The following DKK3 variants were observed in gnomAD, a reference collection of about 807,000 sequenced individuals.
DKK3 encodes the protein dickkopf Wnt signaling pathway inhibitor 3, also known as dickkopf-related protein 3.
DKK3 carries 22 observed loss-of-function variants against 33.2 expected under a neutral mutation model. That is an observed-to-expected ratio of 0.66 (90% CI 0.47 to 0.95). DKK3 has a LOEUF of 0.95. DKK3 is among the 40% of genes least tolerant of loss of function. The probability of loss-of-function intolerance (pLI) is 0.00; values close to 1 mark genes in which losing one functional copy is unlikely to be tolerated. For missense variants in DKK3, 398 were observed against 458.4 expected, an observed-to-expected ratio of 0.87 and a Z score of 1.20; for synonymous variants, 194 against 188.8, an observed-to-expected ratio of 1.03 and a Z score of -0.23.
At chr11:11,989,595 G>T (rs976869044) in intron 3 of DKK3, among the ~76,000 whole-genome samples, 12 of 152,138 alleles carry the variant, frequency 7.9e-5, no homozygotes, top group Non-Finnish European at 1.5e-4. Context: ...CAGGAGGGGG[G>T]CATTGTTTAA....
rs769447653 is a variant in DKK3 at position 12,008,420 on chromosome 11, C to T, written c.163G>A (p.Glu55Lys). Residue 55 changes from glutamate to lysine, a missense_variant, in exon 1 of 7, where the codon GAG (glutamate) becomes AAG (lysine). Coordinates refer to ENST00000683431, the MANE Select transcript of DKK3 (RefSeq NM_001018057.2). This position sits in a 1 kb window ranked among gnomAD's most constrained non-coding sequence, Gnocchi z 4.6. ...ATLNEMFREV[E>K]ELMEDTQHKL... ...TGCTGCGTGTCCTCCATCAGTTCCTCAACCTCGCGGAACATCTCATTGAGG... is the reference window on the plus strand; with the variant it reads ...TGCTGCGTGTCCTCCATCAGTTCCTTAACCTCGCGGAACATCTCATTGAGG... The T allele has an allele frequency of 2.5e-6, 4 of 1,611,084 alleles. No homozygotes were observed. The highest frequency in any genetic ancestry group is 1.3e-5 in the African/African-American group (1 of 74,904).
chr11:11,964,241 C>T lies in DKK3; in HGVS notation c.*223G>A. The T allele has an allele frequency of 1.7e-6, 1 of 597,614 alleles. No homozygotes were observed. The allele number at this position is 597,614 out of a possible 1,614,324, so 37.0% of individuals were successfully genotyped here. On this transcript the variant is annotated 3_prime_UTR_variant, in exon 7 of 7. Transcript: ENST00000683431. ...GGACAGGGGTGGCAAACTGCTCCTG[C>T]AGTTTAACCCTGCCTGACTCTCCCA...
chr11:11,968,349 G>A, intron 4 of DKK3, 46 bp downstream of exon 4: 1 of 1,558,868 alleles, frequency 6.4e-7, no homozygotes, highest in Non-Finnish European at 8.7e-7. Context: ...TCCCCCAGGT[G>A]CCTGAGACCC....
chr11:11,969,833 A>G (rs529798197), intron 3 of DKK3, among the ~76,000 whole-genome samples: 1 of 152,324 alleles, frequency 6.6e-6, no homozygotes, highest in South Asian at 2.1e-4. Flanking sequence ...TCCCTTGCCA[A>G]GCATTGATGC....
At position 12,008,440 on chromosome 11, in the gene DKK3, T is replaced by C. The variant is rs753389040; in HGVS notation, c.143A>G (p.Asn48Ser). 99 of 1,611,180 alleles carry C rather than the reference T, an allele frequency of 6.1e-5. No homozygotes were observed. The highest frequency in any genetic ancestry group is 1.1e-5 in the Non-Finnish European group (13 of 1,179,602). The change falls in exon 1 of 7, where the codon AAT becomes AGT. Residue 48 changes from asparagine to serine, a missense_variant. Coordinates refer to ENST00000683431, the MANE Select transcript of DKK3 (RefSeq NM_001018057.2). The surrounding 1 kb of genome is among the most constrained non-coding windows in gnomAD (Gnocchi z 4.6). ...LSYPQEEATL[N>S]EMFREVEELM... ...TTCCTCAACCTCGCGGAACATCTCATTGAGGGTGGCCTCCTCCTGCGGGTA... is the reference window on the plus strand; with the variant it reads ...TTCCTCAACCTCGCGGAACATCTCACTGAGGGTGGCCTCCTCCTGCGGGTA...
chr11:12,006,302 T>C (rs1281119626), intron 1 of DKK3, among the ~76,000 whole-genome samples: 1 of 152,146 alleles, frequency 6.6e-6, no homozygotes, highest in South Asian at 2.1e-4. Context: ...ACCTGACCAG[T>C]GGATATTCAG....
At position 12,008,284 on chromosome 11, in the gene DKK3, TGGCCA is replaced by T; in HGVS notation, c.213+81_213+85del. The T allele has an allele frequency of 6.8e-7, 1 of 1,473,392 alleles. No individual in the cohort carries two copies. The highest frequency in any genetic ancestry group is 1.4e-5 in the South Asian group (1 of 73,634). The allele number at this position is 1,473,392 out of a possible 1,614,324, so 91.3% of individuals were successfully genotyped here. A position where few individuals can be genotyped will look rare whatever the true frequency, so the allele number is the denominator to read the frequency against. On this transcript the variant is annotated intron_variant, in intron 1 of 6. Transcript: ENST00000683431. This position sits in a 1 kb window ranked among gnomAD's most constrained non-coding sequence, Gnocchi z 4.6. Reference sequence around the variant, plus strand: ...GGCCCTGCGCGGGACCCGAGGTCCCTGGCCAGCGCTCTTCCATGCCTTCCCAGACT... The same window carrying T: ...GGCCCTGCGCGGGACCCGAGGTCCCTGCGCTCTTCCATGCCTTCCCAGACT...
intron 1 of DKK3, 92 bp from the exon 2 acceptor site, chr11:12,002,529 C>G: frequency 7.2e-7 from 1 of 1,380,028 alleles, no homozygotes; most frequent in Non-Finnish European, 1.0e-6. Context: ...TCCTCTTCTG[C>G]AATTACAAAG....
At chr11:11,988,709 G>C (rs1279400490) in intron 3 of DKK3, among the ~76,000 whole-genome samples, 1 of 152,228 alleles carries the variant, frequency 6.6e-6, no homozygotes, top group Non-Finnish European at 1.5e-5. Context: ...GGCTCATAAA[G>C]GAGGGTGTGG....
intron 3 of DKK3, among the ~76,000 whole-genome samples, chr11:11,977,363 A>G (rs1349491209): frequency 1.3e-5 from 2 of 151,922 alleles, no homozygotes; most frequent in East Asian, 3.9e-4. Context: ...CGGTCCCTGG[A>G]AAAGCTTGTT....
chr11:11,966,300 T>G (rs1847592836), intron 5 of DKK3, among the ~76,000 whole-genome samples: 1 of 151,856 alleles, frequency 6.6e-6, no homozygotes, highest in African/African-American at 2.4e-5. Flanking sequence ...CAGTGGAAAA[T>G]GTCAGGGCCG....
At position 11,964,215 on chromosome 11, in the gene DKK3, T is replaced by C. The variant is rs981624011; in HGVS notation, c.*249A>G. On this transcript the variant is annotated 3_prime_UTR_variant, in exon 7 of 7. Coordinates refer to ENST00000683431, the MANE Select transcript of DKK3 (RefSeq NM_001018057.2). ...GGTAGAGGCAAAGCAGCCAATAATC[T>C]GGACAGGGGTGGCAAACTGCTCCTG... 7 of 519,184 alleles carry C rather than the reference T, an allele frequency of 1.3e-5. No homozygotes were observed. The highest frequency in any genetic ancestry group is 6.8e-5 in the Admixed American group (2 of 29,560). 32.2% of individuals were successfully genotyped at this position (519,184 alleles called of 1,614,324 possible).
chr11:11,999,055 A>G (rs6485357), intron 2 of DKK3, among the ~76,000 whole-genome samples: 61,979 of 151,878 alleles, frequency 0.41, 13,680 homozygotes, highest in African/African-American at 0.58. Context: ...CACAGTGCCC[A>G]ACACCCAGCA....
chr11:12,000,768 C>T (rs947674335), intron 2 of DKK3, among the ~76,000 whole-genome samples: 16 of 152,074 alleles, frequency 1.1e-4, no homozygotes, highest in African/African-American at 3.9e-4. Flanking sequence ...ATCCTCCCAC[C>T]TTAGCCTCCC....
At chr11:11,991,926 C>T (rs1285590009) in intron 3 of DKK3, among the ~76,000 whole-genome samples, 1 of 152,186 alleles carries the variant, frequency 6.6e-6, no homozygotes, top group African/African-American at 2.4e-5. Flanking sequence ...CCCCACAATG[C>T]CCTGTGCAAC....
chr11:11,966,067 C>G, intron 5 of DKK3, 102 bp from the exon 6 acceptor site: 10 of 1,383,832 alleles, frequency 7.2e-6, no homozygotes, highest in African/African-American at 1.4e-5. Context: ...CTCCCACCCT[C>G]AACCCCAAAG....
chr11:11,983,185 G>T (rs188459654), intron 3 of DKK3, among the ~76,000 whole-genome samples: 30 of 152,336 alleles, frequency 2.0e-4, no homozygotes, highest in Non-Finnish European at 4.4e-5. Context: ...AGATGAGTCA[G>T]TGAGCTGACT....
intron 3 of DKK3, among the ~76,000 whole-genome samples, chr11:11,977,347 CTT>C (rs1445431051): frequency 3.3e-5 from 5 of 152,084 alleles, no homozygotes; most frequent in South Asian, 2.1e-4. Context: ...AGCCTTCTCT[CTT>C]TGTCGGTCCC....
intron 3 of DKK3, among the ~76,000 whole-genome samples, chr11:11,996,615 C>T (rs922946735): frequency 1.5e-4 from 23 of 152,214 alleles, no homozygotes; most frequent in African/African-American, 5.5e-4. Flanking sequence ...CCCGGTCTCC[C>T]TTCTAGTTAA....
Sources: allele counts gnomAD v4.1 joint callset (sites outside exome capture counted in the v4.1 genomes callset), GRCh38; gene constraint gnomAD v4.1.1; non-coding constraint Gnocchi (gnomAD v3.1); transcripts MANE v1.5; gene names NCBI Gene and HGNC (gene_info 2026-07-23, HGNC 2026-07-21).